Variants in SCUBE1 observed in about 807,000 individuals in gnomAD.
SCUBE1 encodes signal peptide, CUB and EGF-like domain-containing protein 1.
A neutral mutation model predicts 124.4 loss-of-function variants in SCUBE1; 59 were observed. That is an observed-to-expected ratio of 0.47 (90% CI 0.38 to 0.59). SCUBE1 has a LOEUF of 0.59. Ranked by LOEUF, SCUBE1 falls within the 20% of genes least tolerant of loss-of-function variation. SCUBE1 has a pLI of 0.00. For synonymous variants in SCUBE1, 545 were observed against 550.9 expected, an observed-to-expected ratio of 0.99 and a Z score of 0.15; for missense variants, 1,150 against 1,371.2, an observed-to-expected ratio of 0.84 and a Z score of 2.55.
In SCUBE1 at chr22:43,206,533, A is replaced by G. The variant is rs536380144; in HGVS notation, c.2814+1001T>C. On this transcript the variant is annotated intron_variant, in intron 21 of 21. Coordinates refer to ENST00000360835, the MANE Select transcript of SCUBE1 (RefSeq NM_173050.5). ...CTGGTGGGCGCCAGGAAGGAGGGGC[A>G]CGCGGGACCTAAGGGGCTGCAAAGG... Among the ~76,000 whole-genome samples, 6 of 152,276 alleles carry G rather than the reference A, an allele frequency of 3.9e-5. No homozygotes were observed. The South Asian group carries it at 1.2e-3, about 32-fold the overall frequency.
chr22:43,229,052 C>T lies in SCUBE1; in HGVS notation c.1084+20G>A. On this transcript the variant is annotated intron_variant, in intron 9 of 21. Coordinates refer to ENST00000360835, the MANE Select transcript of SCUBE1 (RefSeq NM_173050.5). ...CGCGTGCCTCGGGGGGGAGGTGGCCCTGGCGGGCAGGCTGCAGACCTCCGC... is the reference window on the plus strand; with the variant it reads ...CGCGTGCCTCGGGGGGGAGGTGGCCTTGGCGGGCAGGCTGCAGACCTCCGC... The T allele has an allele frequency of 6.3e-7, 1 of 1,582,836 alleles. No individual in the cohort carries two copies. The highest frequency in any genetic ancestry group is 8.6e-7 in the Non-Finnish European group (1 of 1,156,442).
At chr22:43,290,512 G>A (rs1185752594) in intron 4 of SCUBE1, among the ~76,000 whole-genome samples, 1 of 152,248 alleles carries the variant, frequency 6.6e-6, no homozygotes, top group Non-Finnish European at 1.5e-5. Flanking sequence ...CCAGCTGGTG[G>A]GGTGTCTTCC....
At chr22:43,275,919 G>A (rs779961880) in intron 4 of SCUBE1, 9 of 152,478 alleles carry the variant, frequency 5.9e-5, no homozygotes, top group Non-Finnish European at 1.0e-4. Flanking sequence ...AGGAGGGAAG[G>A]GGGATGAGGC....
At chr22:43,266,943 G>A (rs933662103) in intron 4 of SCUBE1, among the ~76,000 whole-genome samples, 10 of 152,066 alleles carry the variant, frequency 6.6e-5, no homozygotes, top group Non-Finnish European at 1.2e-4. Flanking sequence ...CAAAGCCTCC[G>A]CTCCCCTGCA....
At chr22:43,231,017 G>A (rs2146678593) in intron 8 of SCUBE1, among the ~76,000 whole-genome samples, 1 of 152,282 alleles carries the variant, frequency 6.6e-6, no homozygotes, top group Middle Eastern at 3.4e-3. Flanking sequence ...CCCCTGCCCT[G>A]CTACATGGGG....
intron 4 of SCUBE1, among the ~76,000 whole-genome samples, chr22:43,269,819 A>AG (rs1555884967): frequency 6.6e-6 from 1 of 152,134 alleles, no homozygotes; most frequent in Non-Finnish European, 1.5e-5. Context: ...CCAACGTTGA[A>AG]GGGGGGTGAA....
intron 2 of SCUBE1, among the ~76,000 whole-genome samples, chr22:43,320,412 A>G (rs1926504710): frequency 6.6e-6 from 1 of 151,974 alleles, no homozygotes; most frequent in Non-Finnish European, 1.5e-5. Flanking sequence ...AAGTCCACTA[A>G]CTCCTCCAGT....
At chr22:43,252,877 CGGT>C in intron 6 of SCUBE1, among the ~76,000 whole-genome samples, 5 of 151,346 alleles carry the variant, frequency 3.3e-5, no homozygotes, top group Middle Eastern at 3.4e-3. Flanking sequence ...AGGATGGGAA[CGGT>C]CACCTCCCTT....
In SCUBE1 at chr22:43,273,561, C is replaced by CTTTTTTTTTTTTTT. The variant is rs1056252584; in HGVS notation, c.485-10730_485-10717dup. Among the ~76,000 whole-genome samples the CTTTTTTTTTTTTTT allele has an allele frequency of 3.6e-3, 220 of 60,974 alleles. 34 individuals are homozygous for CTTTTTTTTTTTTTT. The highest frequency in any genetic ancestry group is 0.011 in the African/African-American group (172 of 15,254). 40.0% of individuals were successfully genotyped at this position (60,974 alleles called of 152,430 possible). A position where few individuals can be genotyped will look rare whatever the true frequency, so the allele number is the denominator to read the frequency against. ...TATAAAGTGGGGAGACTAAAACCCT[C>CTTTTTTTTTTTTTT]TTTTTTTTTTTTTTTTTTTTTTTTG... On this transcript the variant is annotated intron_variant, in intron 4 of 21. Transcript: ENST00000360835.
chr22:43,319,161 CT>C (rs1926452287), intron 3 of SCUBE1, among the ~76,000 whole-genome samples: 1 of 152,196 alleles, frequency 6.6e-6, no homozygotes, highest in South Asian at 2.1e-4. Flanking sequence ...CAAAACGTGA[CT>C]GTATTTGGAG....
intron 16 of SCUBE1, 43 bp downstream of exon 16, chr22:43,214,047 G>GGGGGGCCCCCCCCC: frequency 7.0e-6 from 1 of 143,440 alleles, no homozygotes. Context: ...AGGAGCCCCC[G>GGGGGGCCCCCCCCC]CCCACCCCCC....
At chr22:43,261,201 G>T (rs1157876580) in intron 5 of SCUBE1, among the ~76,000 whole-genome samples, 1 of 152,252 alleles carries the variant, frequency 6.6e-6, no homozygotes, top group Non-Finnish European at 1.5e-5. Flanking sequence ...GAGGTGGCCG[G>T]GGGCAGAAGA....
chr22:43,333,191 A>G (rs2146798387), intron 2 of SCUBE1, among the ~76,000 whole-genome samples: 1 of 152,292 alleles, frequency 6.6e-6, no homozygotes, highest in South Asian at 2.1e-4. Flanking sequence ...TTCCAACTCC[A>G]CACAGCCAGG....
intron 6 of SCUBE1, among the ~76,000 whole-genome samples, chr22:43,244,635 G>C: frequency 6.6e-6 from 1 of 152,216 alleles, no homozygotes; most frequent in South Asian, 2.1e-4. Flanking sequence ...TGCACAATGG[G>C]AAGTGGGTGT....
At chr22:43,264,936 A>G (rs1371137247) in intron 4 of SCUBE1, among the ~76,000 whole-genome samples, 1 of 152,160 alleles carries the variant, frequency 6.6e-6, no homozygotes, top group Non-Finnish European at 1.5e-5. Flanking sequence ...TGAATTTCCT[A>G]GGGCTGTCCT....
At chr22:43,252,086 T>C (rs1465098530) in intron 6 of SCUBE1, among the ~76,000 whole-genome samples, 2 of 152,238 alleles carry the variant, frequency 1.3e-5, no homozygotes, top group Non-Finnish European at 2.9e-5. Flanking sequence ...ATTGGTTACA[T>C]GTTCTGGGGC....
At chr22:43,235,342 C>G (rs1400492407) in intron 7 of SCUBE1, among the ~76,000 whole-genome samples, 1 of 151,746 alleles carries the variant, frequency 6.6e-6, no homozygotes, top group Non-Finnish European at 1.5e-5. Flanking sequence ...CTGCCCATCT[C>G]ACGTGGGGGA....
At chr22:43,220,661 A>G in intron 13 of SCUBE1, 74 bp from the exon 14 acceptor site, 1 of 1,553,208 alleles carries the variant, frequency 6.4e-7, no homozygotes, top group South Asian at 1.2e-5. Flanking sequence ...CCCTGCATAC[A>G]GAGTGCCATT....
intron 2 of SCUBE1, among the ~76,000 whole-genome samples, chr22:43,334,168 G>T (rs1430592483): frequency 6.6e-6 from 1 of 152,220 alleles, no homozygotes; most frequent in East Asian, 1.9e-4. Context: ...CTGCAAAAAT[G>T]ACTGGAGGGT....
Sources: gnomAD v4.1 joint callset for allele counts (sites outside exome capture counted in the v4.1 genomes callset) on GRCh38, gnomAD v4.1.1 for gene constraint, MANE v1.5 for transcripts, NCBI Gene and HGNC (gene_info 2026-07-23, HGNC 2026-07-21) for gene names.